The following SBNO1 variants were observed in gnomAD, a reference collection of about 807,000 sequenced individuals.
SBNO1 encodes strawberry notch homolog 1.
SBNO1 carries 23 observed loss-of-function variants against 173.6 expected under a neutral mutation model. The observed-to-expected ratio is 0.13, with a 90% CI of 0.10 to 0.19. SBNO1 has a LOEUF of 0.19. Among genes scored for constraint, SBNO1 ranks in the 10% least tolerant of loss-of-function variants. The pLI is 1.00. For missense variants in SBNO1, 1,238 were observed against 1,671.2 expected, an observed-to-expected ratio of 0.74 and a Z score of 4.52; for synonymous variants, 632 against 571.5, an observed-to-expected ratio of 1.11 and a Z score of -1.51.
chr12:123,347,323 T>A (rs1446919943), intron 3 of SBNO1, among the ~76,000 whole-genome samples: 1 of 149,140 alleles, frequency 6.7e-6, no homozygotes, highest in Non-Finnish European at 1.5e-5. Flanking sequence ...ACCTCCCGGG[T>A]ACATGCCATT....
At chr12:123,332,474 T>A (rs968106792) in intron 7 of SBNO1, among the ~76,000 whole-genome samples, 2 of 151,908 alleles carry the variant, frequency 1.3e-5, no homozygotes, top group Admixed American at 1.3e-4. Context: ...GTATTTTTAG[T>A]AGAGACAGGG....
At chr12:123,338,300 C>T (rs1872096955) in intron 5 of SBNO1, among the ~76,000 whole-genome samples, 1 of 54,636 alleles carries the variant, frequency 1.8e-5, no homozygotes, top group South Asian at 7.2e-4. Flanking sequence ...CGCCTGTAAT[C>T]CCAGCACTTG....
chr12:123,339,353 T>C (rs1483008179), intron 5 of SBNO1, among the ~76,000 whole-genome samples: 1 of 152,182 alleles, frequency 6.6e-6, no homozygotes, highest in East Asian at 1.9e-4. Flanking sequence ...TAACCAACTT[T>C]CCAACCTCTC....
chr12:123,314,570 C>T (rs1269705656), intron 23 of SBNO1, among the ~76,000 whole-genome samples: 1 of 151,950 alleles, frequency 6.6e-6, no homozygotes, highest in East Asian at 1.9e-4. Context: ...CCTCGTGATC[C>T]ACCCACCTCG....
chr12:123,362,864 T>C (rs1405258878), intron 1 of SBNO1, among the ~76,000 whole-genome samples: 1 of 150,630 alleles, frequency 6.6e-6, no homozygotes, highest in Admixed American at 6.7e-5. Flanking sequence ...GGCCAGAAGA[T>C]TGCTTGAGGC....
At chr12:123,318,967 G>GTTT (rs575457621) in intron 20 of SBNO1, among the ~76,000 whole-genome samples, 1 of 135,718 alleles carries the variant, frequency 7.4e-6, no homozygotes, top group African/African-American at 2.7e-5. Context: ...CTAAGGGAAC[G>GTTT]TTTTTTTTTT....
Position 123,290,734 on chromosome 12 carries a change from TTC to T in SBNO1, c.*5172_*5173del, listed in dbSNP as rs574667387. On this transcript the variant is annotated 3_prime_UTR_variant, in exon 32 of 32. Transcript: ENST00000602398. ...GAGGACAATTGTTCCTTAATGTACA[TTC>T]TCTCTCTTTTTTTTTTTTCGAGACG... 3 of 151,588 alleles carry T rather than the reference TTC, an allele frequency of 2.0e-5. No individual in the cohort carries two copies. The highest frequency in any genetic ancestry group is 4.8e-5 in the African/African-American group (2 of 41,244). The allele number at this position is 151,588 out of a possible 1,614,324, so 9.4% of individuals were successfully genotyped here.
chr12:123,329,024 C>G (rs1870886998), intron 9 of SBNO1, 129 bp from the exon 10 acceptor site: 5 of 544,868 alleles, frequency 9.2e-6, no homozygotes. Flanking sequence ...CATAAAAGTA[C>G]AGAGACGCAA....
At chr12:123,360,892 C>T (rs1261454637) in intron 1 of SBNO1, among the ~76,000 whole-genome samples, 1 of 152,126 alleles carries the variant, frequency 6.6e-6, no homozygotes, top group Non-Finnish European at 1.5e-5. Context: ...GCAGGCAGAT[C>T]ACGAGGTCAG....
At chr12:123,359,349 A>G (rs1195444183) in intron 1 of SBNO1, among the ~76,000 whole-genome samples, 4 of 151,846 alleles carry the variant, frequency 2.6e-5, no homozygotes, top group African/African-American at 9.7e-5. Context: ...GTTCGAGACC[A>G]GCCTGGCCAA....
At chr12:123,311,716 CTATCTATATATATA>C (rs1273504853) in intron 24 of SBNO1, among the ~76,000 whole-genome samples, 121 of 60,954 alleles carry the variant, frequency 2.0e-3, no homozygotes, top group African/African-American at 2.2e-3. Context: ...ATCTATCTAT[CTATCTATATATATA>C]TATATATATA....
rs1295929301 is a variant in SBNO1 at position 123,309,182 on chromosome 12, A to G, written c.3630+128T>C. 1.0e-5 allele frequency: 7 copies of G among 685,860 alleles called. No individual in the cohort carries two copies. In the East Asian group the frequency reaches 1.9e-4, roughly 19 times the overall value. 42.5% of individuals were successfully genotyped at this position (685,860 alleles called of 1,614,324 possible). On this transcript the variant is annotated intron_variant, in intron 28 of 31. Transcript: ENST00000602398. ...ACAAATGGACAAACACACAATTACA[A>G]TGATAAATTACCAAAATAGACAAAG...
chr12:123,300,096 AT>A (rs1295475277), intron 30 of SBNO1, among the ~76,000 whole-genome samples: 1 of 152,232 alleles, frequency 6.6e-6, no homozygotes, highest in Non-Finnish European at 1.5e-5. Flanking sequence ...GGTTAAAATT[AT>A]CTTCAGAATA....
chr12:123,350,566 G>A, intron 1 of SBNO1, 125 bp from the exon 2 acceptor site: 1 of 758,510 alleles, frequency 1.3e-6, no homozygotes, highest in Non-Finnish European at 2.2e-6. Flanking sequence ...TGAAGAACCT[G>A]CCATGTCTCA....
chr12:123,360,782 T>C (rs1158885165), intron 1 of SBNO1, among the ~76,000 whole-genome samples: 3 of 152,060 alleles, frequency 2.0e-5, no homozygotes, highest in Non-Finnish European at 4.4e-5. Flanking sequence ...TGAATCTGCA[T>C]GCTGCCCCTT....
At chr12:123,325,401 A>G (rs1870503994) in intron 15 of SBNO1, 101 bp downstream of exon 15, 2 of 750,664 alleles carry the variant, frequency 2.7e-6, no homozygotes, top group Non-Finnish European at 4.6e-6. Context: ...AAGATGATGC[A>G]GGTGAAACAA....
intron 1 of SBNO1, among the ~76,000 whole-genome samples, chr12:123,358,647 G>C (rs1179496463): frequency 6.7e-6 from 1 of 149,344 alleles, no homozygotes; most frequent in South Asian, 2.1e-4. Context: ...GGAGGCTGAG[G>C]CAGGAGAATG....
chr12:123,352,666 T>C (rs1472081553), intron 1 of SBNO1, among the ~76,000 whole-genome samples: 1 of 152,232 alleles, frequency 6.6e-6, no homozygotes, highest in African/African-American at 2.4e-5. Context: ...ACTGCGTCTA[T>C]GTCACCTACG....
At position 123,298,148 on chromosome 12, in the gene SBNO1, C is replaced by A; in HGVS notation, c.3869G>T (p.Ser1290Ile). ...AYWRGNCKKA[S>I]LGLVCEIGLR... ...ACCTATTTCACAAACTAGCCCCAAG[C>A]TTGCTTTTTTGCAATTGCCGCGCCT... Residue 1290 changes from serine (S) to isoleucine (I), a missense_variant, in exon 31 of 32, where the codon AGC becomes ATC. Transcript: ENST00000602398. 2 of 1,612,928 alleles carry A rather than the reference C, an allele frequency of 1.2e-6. No homozygotes were observed. The highest frequency in any genetic ancestry group is 2.2e-5 in the South Asian group (2 of 90,718).
Sources: gnomAD v4.1 joint callset for allele counts (sites outside exome capture counted in the v4.1 genomes callset) on GRCh38, gnomAD v4.1.1 for gene constraint, MANE v1.5 for transcripts, NCBI Gene and HGNC (gene_info 2026-07-23, HGNC 2026-07-21) for gene names.